Variants in TLN2 observed in about 807,000 individuals in gnomAD.
The protein encoded by TLN2 is talin-2.
TLN2 carries 118 observed loss-of-function variants against 294.7 expected under a neutral mutation model. That is an observed-to-expected ratio of 0.40 (90% CI 0.34 to 0.47). The LOEUF (loss-of-function observed/expected upper bound fraction) is 0.47. TLN2 is among the 20% of genes least tolerant of loss of function. TLN2 has a pLI of 0.84. For synonymous variants in TLN2, 1,431 were observed against 1,304.5 expected, an observed-to-expected ratio of 1.10 and a Z score of -2.09; for missense variants, 3,083 against 3,282.2, an observed-to-expected ratio of 0.94 and a Z score of 1.48.
chr15:62,734,992 A>G (rs544084762), intron 28 of TLN2, among the ~76,000 whole-genome samples: 1 of 152,234 alleles, frequency 6.6e-6, no homozygotes, highest in Non-Finnish European at 1.5e-5. Flanking sequence ...CAGTCATTTC[A>G]AAAGTTCAGT....
intron 1 of TLN2, among the ~76,000 whole-genome samples, chr15:62,497,313 C>G (rs545617655): frequency 2.6e-4 from 40 of 152,262 alleles, no homozygotes; most frequent in African/African-American, 9.1e-4. Context: ...ATGTGAGAGT[C>G]TCTTCATTTT....
intron 48 of TLN2, among the ~76,000 whole-genome samples, chr15:62,798,737 C>G (rs2065707285): frequency 6.6e-6 from 1 of 152,226 alleles, no homozygotes; most frequent in Non-Finnish European, 1.5e-5. Flanking sequence ...AGGCCACCAG[C>G]TCGTTCCCTC....
intron 11 of TLN2, among the ~76,000 whole-genome samples, chr15:62,675,534 G>A (rs1219234916): frequency 6.6e-6 from 1 of 152,186 alleles, no homozygotes; most frequent in African/African-American, 2.4e-5. Context: ...AGGAGCCCCT[G>A]GGCAGCTGGG....
intron 1 of TLN2, among the ~76,000 whole-genome samples, chr15:62,501,440 G>A (rs191742978): frequency 1.3e-5 from 2 of 152,270 alleles, no homozygotes; most frequent in African/African-American, 4.8e-5. Flanking sequence ...TACCAAAAGA[G>A]CGACCCTCCC....
In TLN2 at chr15:62,805,626, A is replaced by C; in HGVS notation, c.6504A>C (p.Glu2168Asp). 6.2e-7 allele frequency: 1 copy of C among 1,612,054 alleles called. No individual in the cohort carries two copies. Among genetic ancestry groups the C allele is most frequent in the South Asian group, 1.1e-5 (1 of 90,776 alleles). Residue 2168 changes from glutamate to aspartate, a missense_variant, in exon 51 of 59, where the codon GAA (glutamate) becomes GAC (aspartate). By Grantham distance (45) the Glu-to-Asp change is conservative. Coordinates refer to ENST00000636159, the MANE Select transcript of TLN2 (RefSeq NM_015059.3). ...TGTTCCAGTCAAAAGACGTACCTGA[A>C]AAGACATCATCACCTGAAGAATCCA... ...LTVFQSKDVP[E>D]KTSSPEESIR...
chr15:62,460,549 C>T (rs2036742495), intron 1 of TLN2, among the ~76,000 whole-genome samples: 1 of 152,180 alleles, frequency 6.6e-6, no homozygotes, highest in African/African-American at 2.4e-5. Flanking sequence ...AGGTGTGAGC[C>T]ACCGTGCCCG....
At chr15:62,467,452 G>T (rs2037201548) in intron 1 of TLN2, among the ~76,000 whole-genome samples, 1 of 152,102 alleles carries the variant, frequency 6.6e-6, no homozygotes, top group African/African-American at 2.4e-5. Context: ...CAGCACTTTG[G>T]GAGGTCGAGG....
chr15:62,577,300 G>T (rs993730777), intron 1 of TLN2, among the ~76,000 whole-genome samples: 1 of 152,004 alleles, frequency 6.6e-6, no homozygotes, highest in Non-Finnish European at 1.5e-5. Context: ...AAAATTAGCC[G>T]GGTGTGGTGG....
chr15:62,533,599 A>G (rs2041173885), intron 1 of TLN2, among the ~76,000 whole-genome samples: 1 of 152,176 alleles, frequency 6.6e-6, no homozygotes, highest in Non-Finnish European at 1.5e-5. Flanking sequence ...TTGTTCTGAG[A>G]GTAATTGTAT....
At chr15:62,619,392 A>G (rs1371754495) in intron 3 of TLN2, among the ~76,000 whole-genome samples, 3 of 152,206 alleles carry the variant, frequency 2.0e-5, no homozygotes, top group Admixed American at 6.5e-5. Context: ...TGTGAGAGCT[A>G]TATAGATGGC....
chr15:62,608,671 G>A (rs2047653331), intron 2 of TLN2, among the ~76,000 whole-genome samples: 1 of 152,132 alleles, frequency 6.6e-6, no homozygotes. Context: ...ACAAGGGAGA[G>A]GTGATGAGTT....
chr15:62,836,328 T>C (rs1222873628), intron 57 of TLN2, among the ~76,000 whole-genome samples: 1 of 152,240 alleles, frequency 6.6e-6, no homozygotes, highest in Non-Finnish European at 1.5e-5. Context: ...AGCAGACCCC[T>C]ACTTGTCCTT....
intron 54 of TLN2, among the ~76,000 whole-genome samples, chr15:62,821,404 G>A (rs1279002386): frequency 1.3e-5 from 2 of 152,180 alleles, no homozygotes; most frequent in African/African-American, 2.4e-5. Flanking sequence ...AGATATACTA[G>A]GAAATAATAT....
intron 1 of TLN2, among the ~76,000 whole-genome samples, chr15:62,555,363 A>T (rs1028472719): frequency 3.9e-5 from 6 of 152,150 alleles, no homozygotes; most frequent in African/African-American, 1.4e-4. Flanking sequence ...GAAGATTTTT[A>T]TTTATAGCAT....
rs1003047460 is a variant in TLN2, at chr15:62,746,857, T to A, written c.4026-1494T>A. ...AGATAGGCATGAGTTTAAGTCTTAT[T>A]TCTGCTGCTTATTTGTAGCATGCTC... On this transcript the variant is annotated intron_variant, in intron 32 of 58. Transcript: ENST00000636159. Among the ~76,000 whole-genome samples the A allele has an allele frequency of 2.4e-4, 37 of 152,228 alleles. 1 individual carries two copies. Among genetic ancestry groups the A allele is most frequent in the African/African-American group, 8.9e-4 (37 of 41,454 alleles).
intron 51 of TLN2, among the ~76,000 whole-genome samples, chr15:62,808,677 C>T (rs76732162): frequency 6.6e-4 from 100 of 152,252 alleles, no homozygotes; most frequent in African/African-American, 2.1e-3. Flanking sequence ...TGTGTCTTCC[C>T]GCAGTGGTGT....
At chr15:62,558,923 C>T (rs2042758335) in intron 1 of TLN2, among the ~76,000 whole-genome samples, 2 of 152,170 alleles carry the variant, frequency 1.3e-5, no homozygotes, top group African/African-American at 4.8e-5. Flanking sequence ...TTTGTAAACA[C>T]ATATCCTGCT....
intron 1 of TLN2, among the ~76,000 whole-genome samples, chr15:62,509,849 G>A (rs761408243): frequency 6.6e-6 from 1 of 152,192 alleles, no homozygotes; most frequent in African/African-American, 2.4e-5. Flanking sequence ...CCTGGGCTCC[G>A]TTGAGGTGGA....
rs536871304 is a variant in TLN2 at position 62,778,787 on chromosome 15, C to G, written c.5514+1877C>G. Reference sequence around the variant, plus strand: ...CAGAGGCCAGGAGCTGTTCTTCCCCCCTCAGTTCTGCAAAGTATATAATTG... The same window carrying G: ...CAGAGGCCAGGAGCTGTTCTTCCCCGCTCAGTTCTGCAAAGTATATAATTG... On this transcript the variant is annotated intron_variant, in intron 43 of 58. Transcript: ENST00000636159. Among the ~76,000 whole-genome samples, 5 of 152,350 alleles carry G rather than the reference C, an allele frequency of 3.3e-5. No homozygotes were observed. In the East Asian group the frequency reaches 7.7e-4, roughly 24 times the overall value.
Sources: allele counts gnomAD v4.1 joint callset (sites outside exome capture counted in the v4.1 genomes callset), GRCh38; gene constraint gnomAD v4.1.1; transcripts MANE v1.5; gene names NCBI Gene and HGNC (gene_info 2026-07-23, HGNC 2026-07-21).